PUM1: variants seen among roughly 807,000 people sequenced by gnomAD.
The protein encoded by PUM1 is pumilio RNA binding family member 1.
A neutral mutation model predicts 131.8 loss-of-function variants in PUM1; 13 were observed. The observed-to-expected ratio is 0.10, with a 90% CI of 0.06 to 0.16. The LOEUF is 0.16. PUM1 is among the 10% of genes least tolerant of loss of function. PUM1 has a pLI of 1.00. For missense variants in PUM1, 961 were observed against 1,512.4 expected (o/e 0.64, Z 6.05); for synonymous variants, 509 against 556.5 (o/e 0.91, Z 1.20).
intron 5 of PUM1, among the ~76,000 whole-genome samples, chr1:31,004,693 T>C (rs556380791): frequency 6.6e-6 from 1 of 152,252 alleles, no homozygotes; most frequent in East Asian, 1.9e-4. Context: ...ACTTGACACT[T>C]GAGAAAGCTG....
intron 2 of PUM1, among the ~76,000 whole-genome samples, chr1:31,038,984 A>ATATATATTTTTTTTTTTTT: frequency 2.6e-4 from 13 of 49,406 alleles, no homozygotes; most frequent in South Asian, 2.5e-3. Context: ...ATATATATAT[A>ATATATATTTTTTTTTTTTT]TTTTTTTTTT....
intron 1 of PUM1, 106 bp from the exon 2 acceptor site, chr1:31,059,683 G>A (rs1440403756): frequency 3.8e-5 from 51 of 1,338,958 alleles, no homozygotes; most frequent in Admixed American, 2.7e-4. Context: ...AATAAATGTC[G>A]TTGGTGGCAT....
intron 3 of PUM1, 104 bp from the exon 4 acceptor site, chr1:31,007,206 C>T: frequency 2.6e-6 from 2 of 784,034 alleles, no homozygotes; most frequent in Admixed American, 2.1e-5. Flanking sequence ...GCTCACGTGC[C>T]CTGAAGGTCT....
intron 10 of PUM1, 143 bp from the exon 11 acceptor site, chr1:30,968,635 A>G: frequency 1.3e-6 from 1 of 748,854 alleles, no homozygotes. Flanking sequence ...CTGTTAGCGT[A>G]TAAATTCAAT....
intron 3 of PUM1, among the ~76,000 whole-genome samples, chr1:31,011,164 TACACACACACACAC>T (rs138764103): frequency 1.7e-4 from 25 of 143,080 alleles, no homozygotes; most frequent in Non-Finnish European, 3.0e-4. Flanking sequence ...TCTCTTAAAA[TACACACACACACAC>T]ACACACACAC....
chr1:30,935,048 A>G (rs1029251671), intron 21 of PUM1, among the ~76,000 whole-genome samples: 1 of 152,074 alleles, frequency 6.6e-6, no homozygotes, highest in Non-Finnish European at 1.5e-5. Context: ...CTAGCACCCT[A>G]TTCTGTCCAC....
chr1:30,999,875 A>C (rs896935383), intron 5 of PUM1, among the ~76,000 whole-genome samples: 8 of 152,254 alleles, frequency 5.3e-5, no homozygotes, highest in African/African-American at 1.9e-4. Flanking sequence ...TATACATGAC[A>C]TCAAGAATAA....
At chr1:31,052,851 G>A (rs1232377954) in intron 2 of PUM1, among the ~76,000 whole-genome samples, 1 of 151,202 alleles carries the variant, frequency 6.6e-6, no homozygotes, top group Non-Finnish European at 1.5e-5. Context: ...TTACAGTAAC[G>A]CGCCACGACG....
intron 7 of PUM1, among the ~76,000 whole-genome samples, chr1:30,985,769 C>T (rs74990413): frequency 0.016 from 2,450 of 151,906 alleles, 72 homozygotes; most frequent in African/African-American, 0.055. Context: ...CGGATGAGTA[C>T]TTTCTGCATT....
chr1:31,006,167 C>T, intron 4 of PUM1, 136 bp from the exon 5 acceptor site: 1 of 604,316 alleles, frequency 1.7e-6, no homozygotes. Context: ...TCATGTCCCT[C>T]ACTGTATGAT....
intron 2 of PUM1, among the ~76,000 whole-genome samples, chr1:31,040,599 A>G (rs1302822448): frequency 6.6e-6 from 1 of 152,190 alleles, no homozygotes; most frequent in African/African-American, 2.4e-5. Context: ...TAAGGACTGG[A>G]GAGGCAAGCT....
In PUM1 at chr1:30,952,214, TAGAA is replaced by T; in HGVS notation, c.2721+16_2721+19del. ...CTGCAGATTCTCTTAAGTCAAAGGA[TAGAA>T]AGAACAAAGGCTTACTTCAAAGAAC... On this transcript the variant is annotated intron_variant, in intron 16 of 21. Transcript: ENST00000426105. The T allele has an allele frequency of 6.2e-7, 1 of 1,611,236 alleles. No individual in the cohort carries two copies. Among genetic ancestry groups the T allele is most frequent in the African/African-American group, 1.3e-5 (1 of 74,962 alleles).
In PUM1 at chr1:31,056,559, A is replaced by G. The variant is rs546954186; in HGVS notation, c.363+2645T>C. The stretch of plus-strand genomic sequence containing the variant: ...TGACCTCCCAAAGTGTTGAGATTGC[A>G]GGGGTGAGCCTTCTTTCAGCCTTAC... On this transcript the variant is annotated intron_variant, in intron 2 of 21. Transcript: ENST00000426105. 4.9e-5 allele frequency among the ~76,000 whole-genome samples: 7 copies of G among 143,584 alleles called. No individual in the cohort carries two copies. In the South Asian group the frequency reaches 1.6e-3, roughly 33 times the overall value. The allele number at this position is 143,584 out of a possible 152,430, so 94.2% of individuals were successfully genotyped here.
chr1:31,005,806 AGAGAG>A (rs1642383397), intron 5 of PUM1, 42 bp downstream of exon 5: 4 of 1,496,168 alleles, frequency 2.7e-6, no homozygotes, highest in Admixed American at 4.5e-5. Flanking sequence ...AGAGAGAGAG[AGAGAG>A]AGAGAGAGAG....
chr1:30,960,035 CT>C (rs923114565), intron 14 of PUM1, among the ~76,000 whole-genome samples: 3 of 152,166 alleles, frequency 2.0e-5, no homozygotes, highest in African/African-American at 7.2e-5. Context: ...TAAAAACCAA[CT>C]GTGATTATGC....
chr1:30,945,381 A>G lies in PUM1; in HGVS notation c.2959T>C (p.Ser987Pro). The change falls in exon 18 of 22, where the codon TCT becomes CCT. Residue 987 changes from serine (S) to proline (P), a missense_variant. Transcript: ENST00000426105. ...QKCIECVQPQ[S>P]LQFIIDAFKG... The stretch of plus-strand genomic sequence containing the variant: ...AACGCATCGATGATAAATTGCAAAG[A>G]CTGGGGCTGTACACATTCAATGCAT... 1 of 1,614,186 alleles carries G rather than the reference A, an allele frequency of 6.2e-7. No individual in the cohort carries two copies. The highest frequency in any genetic ancestry group is 8.5e-7 in the Non-Finnish European group (1 of 1,180,022).
At chr1:31,002,016 G>A (rs1642235256) in intron 5 of PUM1, among the ~76,000 whole-genome samples, 3 of 152,166 alleles carry the variant, frequency 2.0e-5, no homozygotes. Flanking sequence ...TCGGCCCACT[G>A]ACTTTGGTAG....
At chr1:30,993,936 G>A (rs187139380) in intron 6 of PUM1, among the ~76,000 whole-genome samples, 2 of 152,218 alleles carry the variant, frequency 1.3e-5, no homozygotes, top group East Asian at 3.9e-4. Context: ...CAGGCATGGT[G>A]GTGCGCGGCT....
chr1:31,000,029 T>G (rs1029370680), intron 5 of PUM1, among the ~76,000 whole-genome samples: 26 of 152,214 alleles, frequency 1.7e-4, no homozygotes, highest in African/African-American at 6.3e-4. Context: ...AATTCACAGG[T>G]GGCTGGGCCC....
Sources: gnomAD v4.1 joint callset for allele counts (sites outside exome capture counted in the v4.1 genomes callset) on GRCh38, gnomAD v4.1.1 for gene constraint, MANE v1.5 for transcripts, NCBI Gene and HGNC (gene_info 2026-07-23, HGNC 2026-07-21) for gene names.